The following BDNF variants were observed in gnomAD, a reference collection of about 807,000 sequenced individuals.
BDNF encodes the protein brain derived neurotrophic factor, also known as neurotrophic factor BDNF precursor form.
A neutral mutation model predicts 19.5 loss-of-function variants in BDNF; 1 was observed. The ratio of observed to expected loss-of-function variants is 0.05; its 90% CI spans 0.02 to 0.24. BDNF has a LOEUF of 0.24. Among genes scored for constraint, BDNF ranks in the 10% least tolerant of loss-of-function variants. The pLI is 1.00. For synonymous variants in BDNF, 100 were observed against 121.6 expected (o/e 0.82, Z 1.17); for missense variants, 195 against 317.6 (o/e 0.61, Z 2.93).
chr11:27,721,691 C>G (rs1197419218), exon 1 of BDNF: 5 of 549,588 alleles, frequency 9.1e-6, no homozygotes, highest in African/African-American at 1.9e-5. Context: ...CCGAGAGACA[C>G]GTTTCCTTTT....
chr11:27,676,792 T>C (rs1228714301), intron 1 of BDNF, among the ~76,000 whole-genome samples: 1 of 152,232 alleles, frequency 6.6e-6, no homozygotes, highest in Non-Finnish European at 1.5e-5. Context: ...CCCTGTGATT[T>C]GGGATACATC....
intron 1 of BDNF, chr11:27,699,543 A>C: frequency 5.0e-6 from 8 of 1,584,646 alleles, no homozygotes; most frequent in Non-Finnish European, 6.9e-6. Context: ...GGCCTGCCCG[A>C]GAGTGTCGCA....
At chr11:27,695,897 C>T (rs185200948) in intron 1 of BDNF, among the ~76,000 whole-genome samples, 1 of 151,938 alleles carries the variant, frequency 6.6e-6, no homozygotes, top group Non-Finnish European at 1.5e-5. Context: ...AACTTAAATA[C>T]TTAATTTAAA....
intron 1 of BDNF, chr11:27,677,170 C>T (rs924470266): frequency 6.6e-6 from 1 of 152,206 alleles, no homozygotes; most frequent in African/African-American, 2.4e-5. Context: ...TATTTCTCAT[C>T]TAATCTCACA....
At chr11:27,683,885 C>T (rs536355333) in intron 1 of BDNF, among the ~76,000 whole-genome samples, 11 of 152,212 alleles carry the variant, frequency 7.2e-5, no homozygotes, top group African/African-American at 2.2e-4. Context: ...CTTGGCTATA[C>T]GGGCTGTTTT....
In BDNF at chr11:27,670,037, C is replaced by T. The variant is rs529733048; in HGVS notation, c.-21-11452G>A. On this transcript the variant is annotated intron_variant, in intron 1 of 1. Transcript: ENST00000356660. ...TACAAGGCTACAGTAACCAAAACAG[C>T]ATGGTACTGGTACCAAAACAGAGAT... 2.6e-5 allele frequency among the ~76,000 whole-genome samples: 4 copies of T among 152,328 alleles called. No individual in the cohort carries two copies. The South Asian group carries it at 8.3e-4, about 32-fold the overall frequency.
Position 27,657,524 on chromosome 11 carries a change from CAATTTATTATTTT to C in BDNF, c.*284_*296del. 7.9e-6 allele frequency: 9 copies of C among 1,145,428 alleles called. No homozygotes were observed. The highest frequency in any genetic ancestry group is 1.6e-5 in the African/African-American group (1 of 62,488). The allele number at this position is 1,145,428 out of a possible 1,614,324, so 71.0% of individuals were successfully genotyped here. A position where few individuals can be genotyped will look rare whatever the true frequency, so the allele number is the denominator to read the frequency against. ...ATCAATTCACAATTAAAGCAGCATG[CAATTTATTATTTT>C]TTTTAACTTTTTATGTTTTCAGTTC... On this transcript the variant is annotated 3_prime_UTR_variant, in exon 2 of 2. Transcript: ENST00000356660. The surrounding 1 kb of genome is among the most constrained non-coding windows in gnomAD (Gnocchi z 5.0).
chr11:27,669,746 G>A (rs150401994), intron 1 of BDNF, among the ~76,000 whole-genome samples: 5 of 151,966 alleles, frequency 3.3e-5, no homozygotes, highest in African/African-American at 1.2e-4. Context: ...CACTGCTCAA[G>A]GAAATAAAAG....
chr11:27,711,500 T>C (rs148950259), intron 1 of BDNF, among the ~76,000 whole-genome samples: 4 of 152,242 alleles, frequency 2.6e-5, no homozygotes, highest in Non-Finnish European at 5.9e-5. Context: ...GTGGTCAAGA[T>C]CTTGTAAGAA....
At chr11:27,721,019 C>G (rs1860727882) in intron 1 of BDNF, among the ~76,000 whole-genome samples, 1 of 149,766 alleles carries the variant, frequency 6.7e-6, no homozygotes, top group Non-Finnish European at 1.5e-5. Context: ...TAACCCCAAC[C>G]TCTAACAGCA....
At chr11:27,696,510 C>G (rs941952018) in intron 1 of BDNF, 4 of 152,176 alleles carry the variant, frequency 2.6e-5, no homozygotes, top group African/African-American at 9.7e-5. Context: ...GAACAACAGC[C>G]AGCACTTAAA....
chr11:27,656,273 T>C lies in BDNF; in HGVS notation c.*1548A>G, dbSNP rs1042572902. On this transcript the variant is annotated 3_prime_UTR_variant, in exon 2 of 2. Coordinates refer to ENST00000356660, the MANE Select transcript of BDNF (RefSeq NM_001709.5). Reference sequence around the variant, plus strand: ...ATTGCATCAATCTCATGATCACAAATGCCACATTTGGCTCCCAACCTGCTC... The same window carrying C: ...ATTGCATCAATCTCATGATCACAAACGCCACATTTGGCTCCCAACCTGCTC... 2.0e-5 allele frequency: 3 copies of C among 152,478 alleles called. No homozygotes were observed. Among genetic ancestry groups the C allele is most frequent in the African/African-American group, 7.2e-5 (3 of 41,458 alleles). The allele number at this position is 152,478 out of a possible 1,614,324, so 9.4% of individuals were successfully genotyped here. A position where few individuals can be genotyped will look rare whatever the true frequency, so the allele number is the denominator to read the frequency against.
chr11:27,672,582 G>T (rs984450502), intron 1 of BDNF, among the ~76,000 whole-genome samples: 1 of 151,994 alleles, frequency 6.6e-6, no homozygotes, highest in Admixed American at 6.6e-5. Context: ...AACGAAACTC[G>T]CAAAATAATA....
chr11:27,683,179 G>A lies in BDNF; in HGVS notation c.-22+16985C>T, dbSNP rs150352736. On this transcript the variant is annotated intron_variant, in intron 1 of 1. Transcript: ENST00000356660. ...GACCAGTGATGATGAGCTTTTCTTCGTATGTTTGTTGGCAGCATAAATTTC... is the reference window on the plus strand; with the variant it reads ...GACCAGTGATGATGAGCTTTTCTTCATATGTTTGTTGGCAGCATAAATTTC... 2.0e-3 allele frequency among the ~76,000 whole-genome samples: 298 copies of A among 152,094 alleles called. 1 individual carries two copies. The highest frequency in any genetic ancestry group is 6.6e-3 in the African/African-American group (274 of 41,512).
intron 1 of BDNF, among the ~76,000 whole-genome samples, chr11:27,663,032 G>A (rs962722826): frequency 6.6e-6 from 1 of 152,190 alleles, no homozygotes; most frequent in Non-Finnish European, 1.5e-5. Context: ...AGAGACTTGG[G>A]AAGTAATAAC....
chr11:27,678,800 G>GT (rs1564966299), intron 1 of BDNF, among the ~76,000 whole-genome samples: 1 of 151,724 alleles, frequency 6.6e-6, no homozygotes, highest in African/African-American at 2.4e-5. Flanking sequence ...TTTAAAAGGG[G>GT]TTAAAAAAAA....
Position 27,656,066 on chromosome 11 carries a change from C to T in BDNF, c.*1755G>A, listed in dbSNP as rs1044139257. ...CTTGGTGTTCTGAATGTCCAGACAC[C>T]TTCCCGAAGTCTTGTCTCTGGACAA... is the stretch of plus-strand genomic sequence containing the variant. On this transcript the variant is annotated 3_prime_UTR_variant, in exon 2 of 2. Transcript: ENST00000356660. 4 of 152,184 alleles carry T rather than the reference C, an allele frequency of 2.6e-5. No individual in the cohort carries two copies. Among genetic ancestry groups the T allele is most frequent in the Admixed American group, 2.0e-4 (3 of 15,274 alleles). The allele number at this position is 152,184 out of a possible 1,614,324, so 9.4% of individuals were successfully genotyped here.
At position 27,656,530 on chromosome 11, in the gene BDNF, C is replaced by T. The variant is rs1852564470; in HGVS notation, c.*1291G>A. 1.0e-6 allele frequency: 1 copy of T among 985,306 alleles called. No homozygotes were observed. Among genetic ancestry groups the T allele is most frequent in the Non-Finnish European group, 1.2e-6 (1 of 829,488 alleles). The allele number at this position is 985,306 out of a possible 1,614,324, so 61.0% of individuals were successfully genotyped here. Reference sequence around the variant, plus strand: ...ATACCATGCCCCACCTCCACCTAGACCTTGGGATGGCCACTCAGAAATTCC... The same window carrying T: ...ATACCATGCCCCACCTCCACCTAGATCTTGGGATGGCCACTCAGAAATTCC... On this transcript the variant is annotated 3_prime_UTR_variant, in exon 2 of 2. Coordinates refer to ENST00000356660, the MANE Select transcript of BDNF (RefSeq NM_001709.5).
intron 1 of BDNF, among the ~76,000 whole-genome samples, chr11:27,695,148 A>C (rs1858838976): frequency 6.6e-6 from 1 of 152,198 alleles, no homozygotes; most frequent in Non-Finnish European, 1.5e-5. Context: ...AAAATGGTTC[A>C]TATGGAAATA....
Sources: allele counts gnomAD v4.1 joint callset (sites outside exome capture counted in the v4.1 genomes callset), GRCh38; gene constraint gnomAD v4.1.1; non-coding constraint Gnocchi (gnomAD v3.1); transcripts MANE v1.5; gene names NCBI Gene and HGNC (gene_info 2026-07-23, HGNC 2026-07-21).